NCKAP1: variants seen among roughly 807,000 people sequenced by gnomAD.
NCKAP1 encodes NCK associated protein 1.
NCKAP1 carries 21 observed loss-of-function variants against 151.2 expected under a neutral mutation model. That is an observed-to-expected ratio of 0.14 (90% CI 0.10 to 0.20). The LOEUF is 0.20. Ranked by LOEUF, NCKAP1 falls within the 10% of genes least tolerant of loss-of-function variation. The probability of loss-of-function intolerance (pLI) is 1.00; values close to 1 mark genes in which losing one functional copy is unlikely to be tolerated. For synonymous variants in NCKAP1, 484 were observed against 451.8 expected (o/e 1.07, Z -0.90); for missense variants, 933 against 1,352.1 (o/e 0.69, Z 4.86).
intron 2 of NCKAP1, among the ~76,000 whole-genome samples, chr2:183,017,753 G>C (rs928943235): frequency 5.3e-5 from 8 of 152,210 alleles, no homozygotes; most frequent in Non-Finnish European, 1.0e-4. Flanking sequence ...ATACACTATG[G>C]GGGGAGAAGT....
Position 182,910,948 on chromosome 2 carries a change from G to GCACCCCCCC in NCKAP1, c.*14753_*14754insGGGGGGGTG, listed in dbSNP as rs5836857. The GCACCCCCCC allele has an allele frequency of 4.9e-4, 58 of 117,862 alleles. 7 individuals carry two copies. The highest frequency in any genetic ancestry group is 1.1e-3 in the African/African-American group (38 of 34,794). 7.3% of individuals were successfully genotyped at this position (117,862 alleles called of 1,614,324 possible). ...CTTGGAAATAAAAATAAAATCCTAA[G>GCACCCCCCC]CTCCCCCCCCACATTTGACTAAACA... On this transcript the variant is annotated 3_prime_UTR_variant, in exon 31 of 31. Transcript: ENST00000361354.
intron 26 of NCKAP1, among the ~76,000 whole-genome samples, chr2:182,930,993 C>T (rs1039165690): frequency 2.6e-4 from 39 of 152,108 alleles, no homozygotes; most frequent in African/African-American, 9.4e-4. Context: ...TAACTTCCTA[C>T]TGCTAGGCCA....
At chr2:183,037,563 C>A (rs1360748104) in intron 1 of NCKAP1, among the ~76,000 whole-genome samples, 1 of 152,242 alleles carries the variant, frequency 6.6e-6, no homozygotes, top group Non-Finnish European at 1.5e-5. Flanking sequence ...GGGGTGTAAT[C>A]CCTGTTCACT....
intron 2 of NCKAP1, among the ~76,000 whole-genome samples, chr2:183,017,451 C>T (rs1286541887): frequency 6.6e-6 from 1 of 152,108 alleles, no homozygotes; most frequent in African/African-American, 2.4e-5. Flanking sequence ...ACCTAGATCC[C>T]TCGTGTGCAC....
chr2:182,926,634 T>C (rs1696653643), intron 30 of NCKAP1, among the ~76,000 whole-genome samples, 182 bp downstream of exon 30: 1 of 152,080 alleles, frequency 6.6e-6, no homozygotes. Context: ...TATCTTCTGA[T>C]ATTACCGAAA....
In NCKAP1 at chr2:182,957,154, A is replaced by G. The variant is rs796576533; in HGVS notation, c.2021+303T>C. ...TCCACTATCTAACTTTAAATAAATT[A>G]AAAATTACAGATTGCTTATAATGTA... On this transcript the variant is annotated intron_variant, in intron 19 of 30. Transcript: ENST00000361354. The G allele has an allele frequency of 1.9e-5, 4 of 212,858 alleles. No homozygotes were observed. In the South Asian group the frequency reaches 5.7e-4, roughly 30 times the overall value. The allele number at this position is 212,858 out of a possible 1,614,324, so 13.2% of individuals were successfully genotyped here.
rs1346884904 is a variant in NCKAP1, at chr2:182,911,649, A to G, written c.*14053T>C. 2 of 152,252 alleles carry G rather than the reference A, an allele frequency of 1.3e-5. No individual in the cohort carries two copies. Among genetic ancestry groups the G allele is most frequent in the East Asian group, 3.9e-4 (2 of 5,184 alleles). 9.4% of individuals were successfully genotyped at this position (152,252 alleles called of 1,614,324 possible). ...AGCAAAGTTATCAGTTAGGTTTGCT[A>G]TATCCTTTTTTTTCTCCCAAGCTGT... On this transcript the variant is annotated 3_prime_UTR_variant, in exon 31 of 31. Coordinates refer to ENST00000361354, the MANE Select transcript of NCKAP1 (RefSeq NM_013436.5).
In NCKAP1 at chr2:182,995,743, G is replaced by C; in HGVS notation, c.699C>G (p.Ile233Met). The part of the protein sequence containing the change: ...QWRNAQLLSL[I>M]SAPSTMLNPA... The stretch of plus-strand genomic sequence containing the variant: ...GATTAAGCATTGTACTAGGTGCACT[G>C]ATGAGGCTCAATAACTGGGCATTTC... Residue 233 changes from isoleucine (I) to methionine (M), a missense_variant, in exon 7 of 31, where the codon ATC becomes ATG. By Grantham distance (10) the Ile-to-Met change is conservative. Transcript: ENST00000361354. 1 of 1,613,908 alleles carries C rather than the reference G, an allele frequency of 6.2e-7. No individual in the cohort carries two copies. The highest frequency in any genetic ancestry group is 1.7e-4 in the Middle Eastern group (1 of 6,060).
intron 9 of NCKAP1, among the ~76,000 whole-genome samples, chr2:182,988,556 A>G (rs1325626689): frequency 1.3e-5 from 2 of 152,210 alleles, no homozygotes; most frequent in African/African-American, 4.8e-5. Context: ...AATAATGTGG[A>G]ATACTATTAT....
chr2:183,003,047 A>C lies in NCKAP1; in HGVS notation c.313-17T>G, dbSNP rs1268240512. 2 of 1,593,974 alleles carry C rather than the reference A, an allele frequency of 1.3e-6. No homozygotes were observed. The highest frequency in any genetic ancestry group is 2.2e-5 in the East Asian group (1 of 44,568). On this transcript the variant is annotated splice_polypyrimidine_tract_variant and intron_variant, in intron 3 of 30. Coordinates refer to ENST00000361354, the MANE Select transcript of NCKAP1 (RefSeq NM_013436.5). ...AACATGGTCCTGAAAAGAAATACTT[A>C]TTTTAATCTTTTATCTGTATAAATC...
intron 23 of NCKAP1, among the ~76,000 whole-genome samples, chr2:182,950,195 G>A (rs1697186173): frequency 6.6e-6 from 1 of 152,154 alleles, no homozygotes; most frequent in Admixed American, 6.5e-5. Context: ...CCAGATCCTT[G>A]CAGTATTAAG....
intron 27 of NCKAP1, among the ~76,000 whole-genome samples, chr2:182,930,388 C>T (rs966561717): frequency 3.3e-5 from 5 of 151,662 alleles, no homozygotes; most frequent in Non-Finnish European, 5.9e-5. Flanking sequence ...TTTCTTTTTT[C>T]GTGGTTTTTC....
At chr2:182,939,885 G>T (rs1381461678) in intron 24 of NCKAP1, among the ~76,000 whole-genome samples, 1 of 152,092 alleles carries the variant, frequency 6.6e-6, no homozygotes, top group East Asian at 1.9e-4. Flanking sequence ...ATTTATATGG[G>T]TCATTAACAT....
At position 182,928,240 on chromosome 2, in the gene NCKAP1, A is replaced by G; in HGVS notation, c.3071-14T>C. On this transcript the variant is annotated splice_polypyrimidine_tract_variant and intron_variant, in intron 28 of 30. Coordinates refer to ENST00000361354, the MANE Select transcript of NCKAP1 (RefSeq NM_013436.5). ...TGTTGCAATGCCCTGAGAAAATGCA[A>G]ATAGGGTTGTGTAGACCCCAAAATA... is the stretch of plus-strand genomic sequence containing the variant. 2 of 1,583,292 alleles carry G rather than the reference A, an allele frequency of 1.3e-6. No individual in the cohort carries two copies. The highest frequency in any genetic ancestry group is 1.7e-6 in the Non-Finnish European group (2 of 1,156,124).
chr2:183,013,641 T>C (rs749761101), intron 2 of NCKAP1, among the ~76,000 whole-genome samples: 1 of 152,130 alleles, frequency 6.6e-6, no homozygotes, highest in Non-Finnish European at 1.5e-5. Flanking sequence ...CTCTACCGAG[T>C]AGCCATAGTG....
chr2:182,950,926 G>T (rs1314638433), intron 23 of NCKAP1, among the ~76,000 whole-genome samples: 1 of 151,898 alleles, frequency 6.6e-6, no homozygotes, highest in Non-Finnish European at 1.5e-5. Context: ...TCCGCCTCCC[G>T]GGTTCAAGTG....
At chr2:182,981,974 C>G (rs1452008231) in intron 12 of NCKAP1, among the ~76,000 whole-genome samples, 2 of 146,536 alleles carry the variant, frequency 1.4e-5, no homozygotes, top group African/African-American at 2.5e-5. Flanking sequence ...AATACATCAT[C>G]AAAAAATCTC....
intron 2 of NCKAP1, among the ~76,000 whole-genome samples, chr2:183,011,104 T>C (rs557044588): frequency 5.3e-5 from 8 of 152,344 alleles, no homozygotes; most frequent in Non-Finnish European, 8.8e-5. Flanking sequence ...TTTATTTCTC[T>C]ATCAATTATC....
At chr2:183,015,744 AT>A (rs1399065683) in intron 2 of NCKAP1, among the ~76,000 whole-genome samples, 2 of 151,770 alleles carry the variant, frequency 1.3e-5, no homozygotes, top group African/African-American at 4.8e-5. Flanking sequence ...TTAATATTTA[AT>A]TTTTTTCAAC....
Sources: allele counts gnomAD v4.1 joint callset (sites outside exome capture counted in the v4.1 genomes callset), GRCh38; gene constraint gnomAD v4.1.1; transcripts MANE v1.5; gene names NCBI Gene and HGNC (gene_info 2026-07-23, HGNC 2026-07-21).